DMD: variants seen among roughly 807,000 people sequenced by gnomAD.
DMD encodes mutant dystrophin.
DMD carries 63 observed loss-of-function variants against 330.1 expected under a neutral mutation model. The ratio of observed to expected loss-of-function variants is 0.19; its 90% CI spans 0.16 to 0.24. The LOEUF is 0.24. Ranked by LOEUF, DMD falls within the 10% of genes least tolerant of loss-of-function variation. The pLI is 1.00. For missense variants in DMD, 3,344 were observed against 2,684.1 expected, an observed-to-expected ratio of 1.25 and a Z score of -5.43; for synonymous variants, 1,223 against 959.8, an observed-to-expected ratio of 1.27 and a Z score of -5.07.
At chrX:31,148,250 A>C (rs1415958618) in intron 74 of DMD, among the ~76,000 whole-genome samples, 1 of 112,381 alleles carries the variant, frequency 8.9e-6, no homozygotes, top group Non-Finnish European at 1.9e-5. Context: ...TATGTGATTC[A>C]ATCTAATAAC....
At chrX:32,315,357 G>T (rs950118836) in intron 41 of DMD, among the ~76,000 whole-genome samples, 1 of 109,279 alleles carries the variant, frequency 9.2e-6, no homozygotes, top group African/African-American at 3.3e-5. Context: ...GGCCGCAGGG[G>T]CCTGTTGGCG....
chrX:33,235,174 A>G, intron 1 of DMD, among the ~76,000 whole-genome samples: 1 of 111,977 alleles, frequency 8.9e-6, no homozygotes, highest in East Asian at 2.8e-4. Flanking sequence ...TGTGTTGTGT[A>G]GCAGAAAAGC....
At chrX:32,451,314 A>C (rs906910478) in intron 26 of DMD, among the ~76,000 whole-genome samples, 1 of 111,377 alleles carries the variant, frequency 9.0e-6, no homozygotes, top group East Asian at 2.8e-4. Context: ...TGTAGTGATT[A>C]TACAAATTTA....
At chrX:32,872,597 G>A (rs1245948681) in intron 2 of DMD, among the ~76,000 whole-genome samples, 1 of 112,169 alleles carries the variant, frequency 8.9e-6, no homozygotes, top group Non-Finnish European at 1.9e-5. Context: ...AGAATTTTAA[G>A]GCTAAGCTAT....
At chrX:31,876,410 C>T (rs1489884697) in intron 47 of DMD, among the ~76,000 whole-genome samples, 2 of 112,057 alleles carry the variant, frequency 1.8e-5, no homozygotes, top group Non-Finnish European at 3.8e-5. Flanking sequence ...AGATTGGGGA[C>T]AATGATAGCA....
intron 3 of DMD, among the ~76,000 whole-genome samples, chrX:32,848,581 A>G (rs192010354): frequency 3.9e-4 from 40 of 102,104 alleles, no homozygotes; most frequent in African/African-American, 1.3e-3. Context: ...TTTAGTATTA[A>G]TCTCACATAG....
chrX:31,430,867 A>G (rs1218787548), intron 60 of DMD, among the ~76,000 whole-genome samples: 1 of 87,061 alleles, frequency 1.1e-5, no homozygotes, highest in African/African-American at 4.7e-5. Context: ...CAGTGGCATG[A>G]TCTCAGCTCA....
intron 7 of DMD, among the ~76,000 whole-genome samples, chrX:32,766,658 CAT>C (rs1030724756): frequency 1.3e-4 from 14 of 111,141 alleles, no homozygotes; most frequent in African/African-American, 4.6e-4. Context: ...AAAATTTTTG[CAT>C]ACACTCTTTC....
intron 24 of DMD, among the ~76,000 whole-genome samples, chrX:32,464,368 C>A (rs111613598): frequency 9.1e-6 from 1 of 109,936 alleles, no homozygotes; most frequent in Non-Finnish European, 1.9e-5. Flanking sequence ...ATGGACTGTA[C>A]GATATTTAGC....
At chrX:32,724,823 T>G (rs1346006686) in intron 7 of DMD, among the ~76,000 whole-genome samples, 1 of 112,122 alleles carries the variant, frequency 8.9e-6, no homozygotes. Context: ...TATTATAAAT[T>G]TACAATGTTA....
chrX:31,824,649 AATAAT>A (rs768790068), intron 49 of DMD, among the ~76,000 whole-genome samples: 18 of 111,527 alleles, frequency 1.6e-4, no homozygotes, highest in African/African-American at 5.8e-4. Flanking sequence ...TATACTTATA[AATAAT>A]ATATTTTAAA....
intron 9 of DMD, among the ~76,000 whole-genome samples, chrX:32,696,414 C>A (rs927622841): frequency 8.9e-6 from 1 of 112,043 alleles, no homozygotes; most frequent in East Asian, 2.8e-4. Context: ...AAATGATAAA[C>A]ATTACATTTA....
chrX:31,400,656 A>G (rs192939886), intron 60 of DMD, among the ~76,000 whole-genome samples: 17 of 111,703 alleles, frequency 1.5e-4, no homozygotes, highest in African/African-American at 5.5e-4. Flanking sequence ...GAGGGAACGA[A>G]AAAAATCAAT....
At chrX:32,127,556 A>G (rs1402810575) in intron 44 of DMD, among the ~76,000 whole-genome samples, 1 of 111,585 alleles carries the variant, frequency 9.0e-6, no homozygotes, top group Non-Finnish European at 1.9e-5. Context: ...TTCTTGCCTT[A>G]AAACAACCAA....
At chrX:31,139,227 CT>C (rs2035728006) in intron 76 of DMD, among the ~76,000 whole-genome samples, 2 of 111,400 alleles carry the variant, frequency 1.8e-5, no homozygotes, top group Admixed American at 1.9e-4. Flanking sequence ...GGAATGTAAA[CT>C]AGGACAACCA....
chrX:32,974,754 T>C (rs746398553), intron 2 of DMD, among the ~76,000 whole-genome samples: 1 of 111,859 alleles, frequency 8.9e-6, no homozygotes, highest in Non-Finnish European at 1.9e-5. Flanking sequence ...TTTCCCTCAT[T>C]GTTTGCTACC....
chrX:32,258,886 G>A lies in DMD; in HGVS notation c.6290+28643C>T, dbSNP rs148597609. On this transcript the variant is annotated intron_variant, in intron 43 of 78. Transcript: ENST00000357033. ...TAGCCATAGGTAGGATCATAAAATAGCACAACTTAAATAGAAAAATAAATG... is the reference window on the plus strand; with the variant it reads ...TAGCCATAGGTAGGATCATAAAATAACACAACTTAAATAGAAAAATAAATG... 5.2e-3 allele frequency among the ~76,000 whole-genome samples: 575 copies of A among 111,133 alleles called. 2 individuals are homozygous for A. The highest frequency in any genetic ancestry group is 0.018 in the African/African-American group (554 of 30,608).
chrX:32,955,175 CT>C (rs895955229), intron 2 of DMD, among the ~76,000 whole-genome samples: 4 of 111,864 alleles, frequency 3.6e-5, no homozygotes, highest in African/African-American at 1.3e-4. Context: ...ATACGTGCTC[CT>C]TTTTCCCCAC....
intron 1 of DMD, among the ~76,000 whole-genome samples, chrX:33,040,796 G>T (rs2094286884): frequency 8.9e-6 from 1 of 111,887 alleles, no homozygotes; most frequent in African/African-American, 3.2e-5. Context: ...AAAAGAAAAT[G>T]AGACTTGCAA....
Sources: allele counts gnomAD v4.1 joint callset (sites outside exome capture counted in the v4.1 genomes callset), GRCh38; gene constraint gnomAD v4.1.1; transcripts MANE v1.5; gene names NCBI Gene and HGNC (gene_info 2026-07-23, HGNC 2026-07-21).